HMGN3: variants seen among roughly 807,000 people sequenced by gnomAD.
The protein encoded by HMGN3 is high mobility group nucleosome-binding domain-containing protein 3.
In HMGN3, 6 loss-of-function variants were observed where a neutral mutation model predicts 18.8. The ratio of observed to expected loss-of-function variants is 0.32; its 90% CI spans 0.18 to 0.63. HMGN3 has a LOEUF of 0.63. HMGN3 is among the 30% of genes least tolerant of loss of function. The pLI is 0.79. For missense variants in HMGN3, 107 were observed against 114.2 expected, an observed-to-expected ratio of 0.94 and a Z score of 0.29; for synonymous variants, 40 against 36.5, an observed-to-expected ratio of 1.10 and a Z score of -0.35.
intron 1 of HMGN3, among the ~76,000 whole-genome samples, chr6:79,231,539 T>A (rs1777834568): frequency 6.6e-6 from 1 of 152,214 alleles, no homozygotes; most frequent in Non-Finnish European, 1.5e-5. Context: ...ACCACTTGGC[T>A]TAATGTAGTT....
intron 5 of HMGN3, 137 bp from the exon 7 acceptor site, chr6:79,201,863 T>G: frequency 1.4e-6 from 2 of 1,459,290 alleles, no homozygotes; most frequent in Non-Finnish European, 1.8e-6. Flanking sequence ...AAAACCTATT[T>G]CAACTCTGAG....
intron 1 of HMGN3, among the ~76,000 whole-genome samples, chr6:79,225,759 T>C (rs1002823557): frequency 6.6e-5 from 10 of 152,218 alleles, no homozygotes; most frequent in African/African-American, 2.2e-4. Context: ...CATATGTGTA[T>C]CTTGTCTACA....
chr6:79,233,820 C>T (rs1777990306), intron 1 of HMGN3: 1 of 152,416 alleles, frequency 6.6e-6, no homozygotes, highest in Non-Finnish European at 1.5e-5. Flanking sequence ...GTTCCAGTCG[C>T]TGGGGAGGAC....
intron 1 of HMGN3, among the ~76,000 whole-genome samples, chr6:79,225,289 A>G (rs1777513622): frequency 6.6e-6 from 1 of 152,204 alleles, no homozygotes; most frequent in Non-Finnish European, 1.5e-5. Flanking sequence ...TAGATTTTGT[A>G]TTTCATTGTA....
intron 2 of HMGN3, among the ~76,000 whole-genome samples, chr6:79,212,513 G>T (rs1345274975): frequency 6.6e-6 from 1 of 152,172 alleles, no homozygotes; most frequent in East Asian, 1.9e-4. Context: ...ACAGTGCTTG[G>T]CGCATTATAG....
At chr6:79,230,706 A>G (rs1489870312) in intron 1 of HMGN3, among the ~76,000 whole-genome samples, 1 of 152,242 alleles carries the variant, frequency 6.6e-6, no homozygotes, top group Non-Finnish European at 1.5e-5. Flanking sequence ...TTTTTAAAAC[A>G]GCAAACCTTT....
intron 2 of HMGN3, among the ~76,000 whole-genome samples, chr6:79,213,350 T>A (rs539740314): frequency 2.1e-4 from 32 of 152,352 alleles, no homozygotes; most frequent in African/African-American, 7.0e-4. Flanking sequence ...GATTTACTTT[T>A]GGTGTAGTGG....
chr6:79,231,861 G>C (rs1232189896), intron 1 of HMGN3, among the ~76,000 whole-genome samples: 4 of 152,128 alleles, frequency 2.6e-5, no homozygotes, highest in African/African-American at 7.2e-5. Context: ...CAACTGTTTT[G>C]TGCTGCTAGT....
At chr6:79,224,823 T>TG (rs1447261428) in intron 1 of HMGN3, among the ~76,000 whole-genome samples, 4 of 152,220 alleles carry the variant, frequency 2.6e-5, no homozygotes, top group Non-Finnish European at 5.9e-5. Context: ...TGTTACCAGA[T>TG]GGTTACTTTA....
intron 1 of HMGN3, among the ~76,000 whole-genome samples, chr6:79,222,540 T>A (rs1488355945): frequency 6.6e-6 from 1 of 152,212 alleles, no homozygotes; most frequent in Non-Finnish European, 1.5e-5. Context: ...AATACTTCTA[T>A]GACACATTAA....
chr6:79,216,577 A>G (rs1776993214), intron 1 of HMGN3, among the ~76,000 whole-genome samples: 1 of 152,132 alleles, frequency 6.6e-6, no homozygotes, highest in African/African-American at 2.4e-5. Flanking sequence ...CATGTCATGG[A>G]TTTCTCTCTT....
At chr6:79,215,855 C>G (rs1776958008) in intron 1 of HMGN3, among the ~76,000 whole-genome samples, 1 of 152,158 alleles carries the variant, frequency 6.6e-6, no homozygotes, top group Admixed American at 6.5e-5. Context: ...GAAAACTAGA[C>G]TATTTAACAT....
chr6:79,217,012 T>A (rs537805999), intron 1 of HMGN3, among the ~76,000 whole-genome samples: 1 of 152,354 alleles, frequency 6.6e-6, no homozygotes, highest in Non-Finnish European at 1.5e-5. Flanking sequence ...AGTGGATTAG[T>A]GACAGGCAAT....
intron 2 of HMGN3, among the ~76,000 whole-genome samples, chr6:79,209,563 C>T (rs1192074310): frequency 6.6e-6 from 1 of 152,182 alleles, no homozygotes; most frequent in Non-Finnish European, 1.5e-5. Context: ...TGAATCCAAG[C>T]CTTTCCCTAA....
intron 3 of HMGN3, among the ~76,000 whole-genome samples, chr6:79,205,245 T>C (rs749412557): frequency 1.3e-5 from 2 of 152,232 alleles, no homozygotes; most frequent in Non-Finnish European, 2.9e-5. Flanking sequence ...TCTTAAGTCC[T>C]CCTAGTGACT....
intron 1 of HMGN3, among the ~76,000 whole-genome samples, chr6:79,226,468 T>A (rs183796501): frequency 3.2e-4 from 48 of 152,330 alleles, no homozygotes; most frequent in Admixed American, 2.0e-3. Context: ...CTTTCTTAGC[T>A]GTGAGATGAA....
At chr6:79,219,980 A>C (rs1334152580) in intron 1 of HMGN3, among the ~76,000 whole-genome samples, 3 of 152,188 alleles carry the variant, frequency 2.0e-5, no homozygotes, top group African/African-American at 7.2e-5. Context: ...AGTTGATTAA[A>C]ATTAAATAAC....
rs759196425 is a variant in HMGN3, at chr6:79,214,961, G to C, written c.66+11C>G. ...AAATAATTAAATATAGGATGTCAAA[G>C]ATATACTTACCTCCTGTTTAGTTAC... On this transcript the variant is annotated intron_variant, in intron 2 of 5. Coordinates refer to ENST00000344726, the Ensembl canonical transcript of HMGN3. 1.4e-6 allele frequency: 2 copies of C among 1,397,156 alleles called. No homozygotes were observed. The highest frequency in any genetic ancestry group is 2.0e-6 in the Non-Finnish European group (2 of 1,000,036). 86.5% of individuals were successfully genotyped at this position (1,397,156 alleles called of 1,614,324 possible).
intron 1 of HMGN3, 93 bp downstream of exon 1, chr6:79,234,453 T>C: frequency 8.0e-7 from 1 of 1,251,052 alleles, no homozygotes; most frequent in Non-Finnish European, 1.2e-6. Flanking sequence ...CCCGGGTTAC[T>C]ACCGCGCGCG....
Sources: allele counts gnomAD v4.1 joint callset (sites outside exome capture counted in the v4.1 genomes callset), GRCh38; gene constraint gnomAD v4.1.1; transcripts MANE v1.5; gene names NCBI Gene and HGNC (gene_info 2026-07-23, HGNC 2026-07-21).